The following STK10 variants were observed in gnomAD, a reference collection of about 807,000 sequenced individuals.
STK10 encodes the protein serine/threonine kinase 10, also known as serine/threonine-protein kinase 10.
Under a neutral mutation model 113.8 loss-of-function variants are expected in STK10, and 78 were observed. The ratio of observed to expected loss-of-function variants is 0.69; its 90% confidence interval spans 0.57 to 0.83. STK10 has a LOEUF of 0.83. STK10 is among the 40% of genes least tolerant of loss of function. The pLI is 0.00. For missense variants in STK10, 1,109 were observed against 1,280.1 expected (o/e 0.87, Z 2.04); for synonymous variants, 465 against 494.7 (o/e 0.94, Z 0.80).
chr5:172,174,480 C>G (rs1770719023), intron 1 of STK10, among the ~76,000 whole-genome samples: 1 of 152,128 alleles, frequency 6.6e-6, no homozygotes, highest in African/African-American at 2.4e-5. Context: ...GCCTGCAGCT[C>G]AGCAGTTATG....
intron 18 of STK10, among the ~76,000 whole-genome samples, chr5:172,046,196 C>A (rs1767489850): frequency 6.6e-6 from 1 of 151,330 alleles, no homozygotes; most frequent in South Asian, 2.1e-4. Context: ...CCCATCTCTA[C>A]TAAAAACACA....
Position 172,118,956 on chromosome 5 carries a change from TTC to T in STK10, c.371-1328_371-1327del, listed in dbSNP as rs1323467477. Among the ~76,000 whole-genome samples the T allele has an allele frequency of 2.6e-5, 4 of 151,460 alleles. No homozygotes were observed. In the East Asian group the frequency reaches 5.8e-4, roughly 22 times the overall value. On this transcript the variant is annotated intron_variant, in intron 3 of 18. Transcript: ENST00000176763. ...CATTTTCTCAGCATGAGGAAGCTTT[TTC>T]TCTCTCTCTTCTTTTTTGCCTATTA...
intron 2 of STK10, among the ~76,000 whole-genome samples, chr5:172,150,838 A>T (rs1016003576): frequency 2.0e-5 from 3 of 152,202 alleles, no homozygotes; most frequent in Non-Finnish European, 4.4e-5. Flanking sequence ...ACACTGAGAA[A>T]GGCCCACAGT....
intron 7 of STK10, among the ~76,000 whole-genome samples, chr5:172,101,225 C>T (rs921579631): frequency 2.6e-5 from 4 of 152,040 alleles, no homozygotes; most frequent in Admixed American, 1.3e-4. Flanking sequence ...AATCCCAGCA[C>T]TTTGGGAGGC....
intron 14 of STK10, 94 bp downstream of exon 14, chr5:172,061,045 C>T (rs1317864888): frequency 2.0e-5 from 30 of 1,483,216 alleles, no homozygotes; most frequent in Non-Finnish European, 2.6e-5. Context: ...ATGGAGAAGG[C>T]CTGGGAGGTT....
chr5:172,100,841 G>A (rs988892067), intron 7 of STK10, among the ~76,000 whole-genome samples: 1 of 152,088 alleles, frequency 6.6e-6, no homozygotes, highest in Non-Finnish European at 1.5e-5. Flanking sequence ...GTTTTCAGGC[G>A]CTGGCATCTC....
chr5:172,115,609 T>C lies in STK10; in HGVS notation c.520+1872A>G, dbSNP rs138920561. 3.3e-5 allele frequency among the ~76,000 whole-genome samples: 5 copies of C among 152,322 alleles called. No individual in the cohort carries two copies. In the East Asian group the frequency reaches 9.6e-4, roughly 29 times the overall value. Reference sequence around the variant, plus strand: ...CTCTTAGGAAGTGGGTTTTTATCATTTGCCACTAAGAGAGGCGACAAGAGG... The same window carrying C: ...CTCTTAGGAAGTGGGTTTTTATCATCTGCCACTAAGAGAGGCGACAAGAGG... On this transcript the variant is annotated intron_variant, in intron 4 of 18. Transcript: ENST00000176763.
chr5:172,071,807 C>T (rs1051271126), intron 12 of STK10, among the ~76,000 whole-genome samples: 1 of 152,178 alleles, frequency 6.6e-6, no homozygotes, highest in African/African-American at 2.4e-5. Flanking sequence ...CTATTCTATA[C>T]CTAACTTTCA....
intron 8 of STK10, among the ~76,000 whole-genome samples, chr5:172,095,810 T>A (rs921410427): frequency 6.6e-6 from 1 of 152,226 alleles, no homozygotes; most frequent in African/African-American, 2.4e-5. Flanking sequence ...GGCCACCCTA[T>A]CCCTGGGAAG....
At chr5:172,128,701 G>C (rs948123275) in intron 2 of STK10, among the ~76,000 whole-genome samples, 18 of 152,356 alleles carry the variant, frequency 1.2e-4, no homozygotes, top group African/African-American at 4.1e-4. Context: ...AGGACAGGCA[G>C]AATCACCTCT....
At chr5:172,183,487 C>T (rs1319197156) in intron 1 of STK10, among the ~76,000 whole-genome samples, 2 of 148,138 alleles carry the variant, frequency 1.4e-5, no homozygotes, top group Non-Finnish European at 3.0e-5. Context: ...CAGAGTTTCA[C>T]TCTCTTGTCC....
At chr5:172,060,027 G>A (rs1016213887) in intron 14 of STK10, among the ~76,000 whole-genome samples, 16 of 152,320 alleles carry the variant, frequency 1.1e-4, no homozygotes, top group Non-Finnish European at 2.2e-4. Context: ...CCTGAGGTGA[G>A]GGTATTAGGA....
At chr5:172,066,236 T>G (rs1170488960) in intron 12 of STK10, among the ~76,000 whole-genome samples, 2 of 152,288 alleles carry the variant, frequency 1.3e-5, no homozygotes, top group South Asian at 4.1e-4. Context: ...AAGCAGCTAC[T>G]TGAGGACTCT....
At chr5:172,047,808 C>T (rs551236682) in intron 18 of STK10, among the ~76,000 whole-genome samples, 4 of 152,048 alleles carry the variant, frequency 2.6e-5, no homozygotes, top group Middle Eastern at 3.5e-3. Context: ...TGTCCTTGGC[C>T]TGTACTATGT....
chr5:172,079,805 G>A (rs906581143), intron 12 of STK10, among the ~76,000 whole-genome samples: 7 of 152,020 alleles, frequency 4.6e-5, no homozygotes, highest in Admixed American at 1.3e-4. Flanking sequence ...CAAGTGATCC[G>A]CCCGCCTGGG....
At position 172,061,164 on chromosome 5, in the gene STK10, G is replaced by A; in HGVS notation, c.2187C>T (p.Leu729=). The A allele has an allele frequency of 6.2e-7, 1 of 1,612,854 alleles. No individual in the cohort carries two copies. The highest frequency in any genetic ancestry group is 8.5e-7 in the Non-Finnish European group (1 of 1,179,754). ...REICDKEREC[L]MKKQELLRDR... is the part of the protein sequence containing the mutation. ...CTCGAAGGAGCTCCTGCTTCTTCATGAGGCACTCGCGCTCCTTGTCACAGA... is the reference window on the plus strand; with the variant it reads ...CTCGAAGGAGCTCCTGCTTCTTCATAAGGCACTCGCGCTCCTTGTCACAGA... The change falls in exon 14 of 19, where the codon CTC becomes CTT. Residue 729 remains leucine, a synonymous_variant. Transcript: ENST00000176763.
chr5:172,124,670 G>GACCAT lies in STK10; in HGVS notation c.370+2698_370+2702dup, dbSNP rs1169885089. Among the ~76,000 whole-genome samples the GACCAT allele has an allele frequency of 2.6e-5, 4 of 152,194 alleles. No individual in the cohort carries two copies. The East Asian group carries it at 7.7e-4, about 29-fold the overall frequency. On this transcript the variant is annotated intron_variant, in intron 3 of 18. Transcript: ENST00000176763. ...GGGTTTGGATCATAATCCTAAAAGA[G>GACCAT]ACCATCTCAAATACCATAATCCCAA...
intron 18 of STK10, among the ~76,000 whole-genome samples, chr5:172,050,981 G>A (rs1168983172): frequency 3.3e-5 from 5 of 151,872 alleles, no homozygotes; most frequent in African/African-American, 7.3e-5. Context: ...GAGTGGTGGC[G>A]GGTGCCTGTA....
At chr5:172,063,659 T>C (rs1181140268) in intron 13 of STK10, 1 of 147,442 alleles carries the variant, frequency 6.8e-6, no homozygotes, top group Non-Finnish European at 1.5e-5. Flanking sequence ...AATCGTGCTG[T>C]AATGGGACAG....
Sources: gnomAD v4.1 joint callset for allele counts (sites outside exome capture counted in the v4.1 genomes callset) on GRCh38, gnomAD v4.1.1 for gene constraint, MANE v1.5 for transcripts, NCBI Gene and HGNC (gene_info 2026-07-23, HGNC 2026-07-21) for gene names.